Variants in TES observed in about 807,000 individuals in gnomAD.
TES encodes the protein testin LIM domain protein, also known as testin.
In TES, 41 loss-of-function variants were observed where a neutral mutation model predicts 48.2. The ratio of observed to expected loss-of-function variants is 0.85; its 90% CI spans 0.66 to 1.10. The LOEUF (loss-of-function observed/expected upper bound fraction) is 1.10, where lower values mean the gene tolerates loss of function less well. TES is among the 50% of genes least tolerant of loss of function. The pLI, the probability that TES is intolerant of heterozygous loss-of-function variation, is 0.00. For synonymous variants in TES, 162 were observed against 174.9 expected, an observed-to-expected ratio of 0.93 and a Z score of 0.58; for missense variants, 463 against 515.1, an observed-to-expected ratio of 0.90 and a Z score of 0.98.
chr7:116,254,271 C>A lies in TES; in HGVS notation c.1077+1795C>A, dbSNP rs982401618. On this transcript the variant is annotated intron_variant, in intron 6 of 6. Transcript: ENST00000358204. ...TTCTATTCTGTTCCCAACACTAGGA[C>A]AACATAGGTGCTCAATAAAAATTTA... Among the ~76,000 whole-genome samples the A allele has an allele frequency of 2.0e-5, 3 of 151,880 alleles. No individual in the cohort carries two copies. The South Asian group carries it at 6.3e-4, about 32-fold the overall frequency.
intron 2 of TES, among the ~76,000 whole-genome samples, chr7:116,244,468 CT>C (rs1799894317): frequency 6.6e-6 from 1 of 152,246 alleles, no homozygotes; most frequent in African/African-American, 2.4e-5. Flanking sequence ...TGTCCTTTGA[CT>C]TCATGTCTCA....
At position 116,250,454 on chromosome 7, in the gene TES, G is replaced by A. The variant is rs1470031212; in HGVS notation, c.660G>A (p.Gly220=). Residue 220 remains glycine (G), a synonymous_variant, in exon 4 of 7, where the codon GGG becomes GGA. Coordinates refer to ENST00000358204, the MANE Select transcript of TES (RefSeq NM_015641.4). ...GGDRSTPAAV[G]AMEDKSAEHK... Reference sequence around the variant, plus strand: ...ATAGAAGCACCCCAGCAGCAGTGGGGGCCATGGAGGACAAATCTGCTGAGC... The same window carrying A: ...ATAGAAGCACCCCAGCAGCAGTGGGAGCCATGGAGGACAAATCTGCTGAGC... The A allele has an allele frequency of 6.3e-7, 1 of 1,584,586 alleles. No individual in the cohort carries two copies. Among genetic ancestry groups the A allele is most frequent in the Admixed American group, 1.8e-5 (1 of 55,492 alleles).
chr7:116,221,571 T>TG (rs1799557862), intron 1 of TES, among the ~76,000 whole-genome samples: 2 of 152,186 alleles, frequency 1.3e-5, no homozygotes, highest in Non-Finnish European at 2.9e-5. Context: ...TGCTTGCTTC[T>TG]ATTGCTCTGT....
intron 1 of TES, among the ~76,000 whole-genome samples, chr7:116,226,045 G>A (rs1799616817): frequency 6.6e-6 from 1 of 152,154 alleles, no homozygotes; most frequent in African/African-American, 2.4e-5. Context: ...CAGTGTAAGT[G>A]CTCAATAAAA....
In TES at chr7:116,234,232, G is replaced by A. The variant is rs115204916; in HGVS notation, c.28-302G>A. On this transcript the variant is annotated intron_variant, in intron 1 of 6. Coordinates refer to ENST00000358204, the MANE Select transcript of TES (RefSeq NM_015641.4). Reference sequence around the variant, plus strand: ...ATTGTGCTATGGGGCTGTACTATGGGGCAAGTAGTGGCCAAAGACATAAAT... The same window carrying A: ...ATTGTGCTATGGGGCTGTACTATGGAGCAAGTAGTGGCCAAAGACATAAAT... Among the ~76,000 whole-genome samples, 418 of 152,104 alleles carry A rather than the reference G, an allele frequency of 2.7e-3. 2 individuals are homozygous for A. The highest frequency in any genetic ancestry group is 9.6e-3 in the African/African-American group (399 of 41,468).
At chr7:116,216,099 G>A (rs368151272) in intron 1 of TES, among the ~76,000 whole-genome samples, 1 of 152,080 alleles carries the variant, frequency 6.6e-6, no homozygotes, top group Non-Finnish European at 1.5e-5. Context: ...TGTGCAACAC[G>A]AGTTACCAAG....
At chr7:116,228,998 C>CTATATATATATATATATATATATATATA (rs58514364) in intron 1 of TES, among the ~76,000 whole-genome samples, 14 of 110,128 alleles carry the variant, frequency 1.3e-4, no homozygotes, top group Non-Finnish European at 1.8e-4. Context: ...GTATCTATAA[C>CTATATATATATATATATATATATATATA]TATATATATA....
intron 1 of TES, among the ~76,000 whole-genome samples, chr7:116,215,051 T>TA (rs1255742762): frequency 6.6e-6 from 1 of 152,232 alleles, no homozygotes; most frequent in Non-Finnish European, 1.5e-5. Context: ...CATATCCTGT[T>TA]ACACTTACGT....
chr7:116,246,967 T>TTA lies in TES; in HGVS notation c.114-2053_114-2052insTA, dbSNP rs1216868889. 9.7e-5 allele frequency among the ~76,000 whole-genome samples: 14 copies of TTA among 143,908 alleles called. No individual in the cohort carries two copies. In the East Asian group the frequency reaches 2.6e-3, roughly 27 times the overall value. The allele number at this position is 143,908 out of a possible 152,430, so 94.4% of individuals were successfully genotyped here. A position where few individuals can be genotyped will look rare whatever the true frequency, so the allele number is the denominator to read the frequency against. ...GGCCCCTTTTTTTTTTTTTTTTTTTTAAGCACTATGTCCTAGTGTCAAGTA... is the reference window on the plus strand; with the variant it reads ...GGCCCCTTTTTTTTTTTTTTTTTTTTTAAAGCACTATGTCCTAGTGTCAAGTA... On this transcript the variant is annotated intron_variant, in intron 2 of 6. Transcript: ENST00000358204.
At chr7:116,244,340 A>C (rs372974881) in intron 2 of TES, among the ~76,000 whole-genome samples, 1 of 152,246 alleles carries the variant, frequency 6.6e-6, no homozygotes, top group South Asian at 2.1e-4. Flanking sequence ...ATGAGGGTAC[A>C]GGCATTGGGT....
chr7:116,244,077 ATGGGAAAT>A (rs1458665363), intron 2 of TES: 3 of 152,130 alleles, frequency 2.0e-5, no homozygotes, highest in Non-Finnish European at 4.4e-5. Context: ...CGTGGGGATT[ATGGGAAAT>A]ACAATTCAAG....
chr7:116,229,573 C>A (rs146496727), intron 1 of TES, among the ~76,000 whole-genome samples: 1 of 152,228 alleles, frequency 6.6e-6, no homozygotes, highest in African/African-American at 2.4e-5. Context: ...CCAAAATAGG[C>A]CCTAAGAAAC....
At chr7:116,211,786 T>G (rs1799442101) in intron 1 of TES, among the ~76,000 whole-genome samples, 1 of 141,914 alleles carries the variant, frequency 7.0e-6, no homozygotes, top group Non-Finnish European at 1.6e-5. Flanking sequence ...TTAATTCTAT[T>G]TTATGCCCAG....
chr7:116,221,669 A>G (rs1799559260), intron 1 of TES, among the ~76,000 whole-genome samples: 1 of 152,182 alleles, frequency 6.6e-6, no homozygotes. Context: ...AATTACTCTC[A>G]TATTCCTCTG....
At chr7:116,222,201 T>C (rs1215553305) in intron 1 of TES, among the ~76,000 whole-genome samples, 2 of 152,186 alleles carry the variant, frequency 1.3e-5, no homozygotes, top group Non-Finnish European at 2.9e-5. Flanking sequence ...AAGACCCCTC[T>C]CCTTGCTATA....
intron 2 of TES, chr7:116,239,273 G>C (rs746821670): frequency 3.3e-5 from 5 of 152,132 alleles, no homozygotes; most frequent in Admixed American, 6.5e-5. Context: ...AAAATTCATT[G>C]CTTTTTAAGG....
chr7:116,253,639 T>G (rs1175004728), intron 6 of TES, among the ~76,000 whole-genome samples: 1 of 152,150 alleles, frequency 6.6e-6, no homozygotes, highest in Non-Finnish European at 1.5e-5. Context: ...TTCACCATCA[T>G]TTTCTAGTTT....
chr7:116,247,174 A>C (rs1799938138), intron 2 of TES, among the ~76,000 whole-genome samples: 2 of 152,074 alleles, frequency 1.3e-5, no homozygotes, highest in Admixed American at 1.3e-4. Context: ...AGAGAAAGGA[A>C]AAACAAAGGG....
Position 116,210,670 on chromosome 7 carries a change from C to G in TES, c.-38C>G. 7.7e-7 allele frequency: 1 copy of G among 1,305,458 alleles called. No homozygotes were observed. Among genetic ancestry groups the G allele is most frequent in the Non-Finnish European group, 9.8e-7 (1 of 1,015,332 alleles). 80.9% of individuals were successfully genotyped at this position (1,305,458 alleles called of 1,614,324 possible). On this transcript the variant is annotated 5_prime_UTR_variant, in exon 1 of 7. Coordinates refer to ENST00000358204, the MANE Select transcript of TES (RefSeq NM_015641.4). ...CCAGCTGAACCCGGCCGTGGGATCC[C>G]GGATAGGAGGAGGAGGGGACCCATA...
Sources: allele counts gnomAD v4.1 joint callset (sites outside exome capture counted in the v4.1 genomes callset), GRCh38; gene constraint gnomAD v4.1.1; transcripts MANE v1.5; gene names NCBI Gene and HGNC (gene_info 2026-07-23, HGNC 2026-07-21).